The following RBFOX1 variants were observed in gnomAD, a reference collection of about 807,000 sequenced individuals.
RBFOX1 encodes the protein RNA binding fox-1 homolog 1.
A neutral mutation model predicts 57.7 loss-of-function variants in RBFOX1; 8 were observed. That is an observed-to-expected ratio of 0.14 (90% CI 0.08 to 0.25). The LOEUF (loss-of-function observed/expected upper bound fraction) is 0.25, where lower values mean the gene tolerates loss of function less well. Ranked by LOEUF, RBFOX1 falls within the 10% of genes least tolerant of loss-of-function variation. The pLI is 1.00. For synonymous variants in RBFOX1, 326 were observed against 222.4 expected, an observed-to-expected ratio of 1.47 and a Z score of -4.15; for missense variants, 611 against 548.5, an observed-to-expected ratio of 1.11 and a Z score of -1.14.
intron 3 of RBFOX1, among the ~76,000 whole-genome samples, chr16:6,883,923 C>G (rs2063447098): frequency 6.6e-6 from 1 of 152,032 alleles, no homozygotes; most frequent in Non-Finnish European, 1.5e-5. Context: ...CATCTTTACC[C>G]CAGGTACAAA....
chr16:6,893,898 C>T (rs981534219), intron 3 of RBFOX1, among the ~76,000 whole-genome samples: 1 of 152,074 alleles, frequency 6.6e-6, no homozygotes, highest in Non-Finnish European at 1.5e-5. Context: ...GGTCAGCTGT[C>T]ACACATAGAG....
rs112592304 is a variant in RBFOX1, at chr16:5,923,375, C to T, written c.351+56040C>T. Among the ~76,000 whole-genome samples the T allele has an allele frequency of 2.9e-3, 442 of 152,044 alleles. 4 individuals are homozygous for T. The highest frequency in any genetic ancestry group is 0.024 in the Middle Eastern group (7 of 294). The stretch of plus-strand genomic sequence containing the variant: ...GGGGCCTCACTGAGTCAGAGGGATG[C>T]CAAAGGTGGAGGTTGAATAATGAGG... On this transcript the variant is annotated intron_variant, in intron 4 of 19. Transcript: ENST00000641259.
intron 2 of RBFOX1, among the ~76,000 whole-genome samples, chr16:6,625,766 A>G (rs2098296774): frequency 6.6e-6 from 1 of 152,178 alleles, no homozygotes; most frequent in Non-Finnish European, 1.5e-5. Flanking sequence ...TACATTTGCA[A>G]GTGCATTAAA....
intron 1 of RBFOX1, among the ~76,000 whole-genome samples, chr16:6,219,047 A>C (rs1394593630): frequency 6.6e-6 from 1 of 152,234 alleles, no homozygotes; most frequent in Non-Finnish European, 1.5e-5. Context: ...GAACAGGTAC[A>C]TATTTATCTT....
intron 1 of RBFOX1, among the ~76,000 whole-genome samples, chr16:5,242,853 C>T (rs1258490285): frequency 2.0e-5 from 3 of 151,978 alleles, no homozygotes; most frequent in African/African-American, 7.3e-5. Context: ...AGGCTGTGCT[C>T]TTGTGGTTGG....
intron 5 of RBFOX1, among the ~76,000 whole-genome samples, chr16:7,549,077 A>G (rs2085510569): frequency 6.6e-6 from 1 of 152,246 alleles, no homozygotes; most frequent in Admixed American, 6.5e-5. Flanking sequence ...AAGAGGCGAC[A>G]TTTAAGCCGA....
At chr16:6,969,311 G>C (rs114967806) in intron 3 of RBFOX1, among the ~76,000 whole-genome samples, 2 of 152,144 alleles carry the variant, frequency 1.3e-5, no homozygotes, top group Non-Finnish European at 2.9e-5. Context: ...TATTTAGTGC[G>C]GGGTCAGGAT....
In RBFOX1 at chr16:5,386,907, T is replaced by G. The variant is rs185457755; in HGVS notation, c.220-80309T>G. ...CTCTACTAAAAATACAAAAATTAGCTGGGCGTGGTGGTGGGTGCCTGTAAT... is the reference window on the plus strand; with the variant it reads ...CTCTACTAAAAATACAAAAATTAGCGGGGCGTGGTGGTGGGTGCCTGTAAT... On this transcript the variant is annotated intron_variant, in intron 1 of 2. Coordinates refer to the RBFOX1 transcript ENST00000585867. Among the ~76,000 whole-genome samples the G allele has an allele frequency of 2.6e-4, 39 of 152,118 alleles. No individual in the cohort carries two copies. The East Asian group carries it at 7.2e-3, about 28-fold the overall frequency.
At chr16:5,382,821 G>A (rs1220227583) in intron 1 of RBFOX1, among the ~76,000 whole-genome samples, 1 of 152,174 alleles carries the variant, frequency 6.6e-6, no homozygotes, top group Non-Finnish European at 1.5e-5. Context: ...TTATCTCTCT[G>A]AATCTTCTAA....
chr16:7,055,823 G>T (rs1483780222), intron 4 of RBFOX1, among the ~76,000 whole-genome samples: 1 of 152,102 alleles, frequency 6.6e-6, no homozygotes, highest in Non-Finnish European at 1.5e-5. Context: ...GAATTCACAG[G>T]GGTCCACTCT....
At chr16:6,049,807 A>T (rs2095533777) in intron 1 of RBFOX1, among the ~76,000 whole-genome samples, 1 of 152,162 alleles carries the variant, frequency 6.6e-6, no homozygotes, top group Admixed American at 6.6e-5. Context: ...TTCCTCCTTT[A>T]GGAACACCCT....
At chr16:7,142,252 G>T (rs542297628) in intron 4 of RBFOX1, among the ~76,000 whole-genome samples, 1 of 152,170 alleles carries the variant, frequency 6.6e-6, no homozygotes, top group East Asian at 1.9e-4. Flanking sequence ...TTGATCTGCT[G>T]AGCTCAAGCA....
rs148609846 is a variant in RBFOX1, at chr16:6,582,749, C to T, written c.-63-71854C>T. Among the ~76,000 whole-genome samples, 275 of 151,352 alleles carry T rather than the reference C, an allele frequency of 1.8e-3. 2 individuals are homozygous for T. The highest frequency in any genetic ancestry group is 6.5e-3 in the African/African-American group (270 of 41,242). On this transcript the variant is annotated intron_variant, in intron 2 of 15. Transcript: ENST00000550418. ...CCTGACCGCTCCTTCCTCCCTTTCT[C>T]TTCTTTCCTCCCCTTTCTTTCCTTC...
intron 1 of RBFOX1, among the ~76,000 whole-genome samples, chr16:6,147,090 C>A (rs781178721): frequency 1.3e-5 from 2 of 152,140 alleles, no homozygotes; most frequent in Non-Finnish European, 2.9e-5. Flanking sequence ...CTTCCACCCA[C>A]GGAATCAGAA....
intron 3 of RBFOX1, among the ~76,000 whole-genome samples, chr16:5,647,561 A>T (rs1283473789): frequency 7.2e-5 from 11 of 152,184 alleles, no homozygotes; most frequent in Non-Finnish European, 1.6e-4. Context: ...TGTCCCGTGG[A>T]AACCCCACCT....
chr16:5,292,364 T>A (rs1435663682), intron 1 of RBFOX1, among the ~76,000 whole-genome samples: 1 of 151,294 alleles, frequency 6.6e-6, no homozygotes, highest in East Asian at 2.0e-4. Context: ...TTCCCCCAAA[T>A]CAATTGGCAG....
At chr16:5,744,935 G>A (rs919316572) in intron 3 of RBFOX1, among the ~76,000 whole-genome samples, 2 of 152,122 alleles carry the variant, frequency 1.3e-5, no homozygotes, top group South Asian at 2.1e-4. Flanking sequence ...GCCACGCCTG[G>A]CTAATTTTTG....
intron 3 of RBFOX1, among the ~76,000 whole-genome samples, chr16:5,865,977 AT>A (rs981891752): frequency 2.6e-5 from 4 of 151,834 alleles, no homozygotes. Flanking sequence ...TTTATGTTTC[AT>A]TTTTTTAAGA....
At chr16:7,167,856 T>A (rs2079882809) in intron 4 of RBFOX1, among the ~76,000 whole-genome samples, 1 of 22,810 alleles carries the variant, frequency 4.4e-5, no homozygotes, top group Non-Finnish European at 7.0e-5. Context: ...ATTTACTATC[T>A]GGCCCTCTGC....
Sources: allele counts gnomAD v4.1 joint callset (sites outside exome capture counted in the v4.1 genomes callset), GRCh38; gene constraint gnomAD v4.1.1; transcripts MANE v1.5; gene names NCBI Gene and HGNC (gene_info 2026-07-23, HGNC 2026-07-21).